SNCG: variants seen among roughly 807,000 people sequenced by gnomAD.
SNCG encodes the protein gamma-synuclein.
In SNCG, 13 loss-of-function variants were observed where a neutral mutation model predicts 16.0. The ratio of observed to expected loss-of-function variants is 0.81; its 90% confidence interval spans 0.53 to 1.29. The LOEUF is 1.29. Ranked by LOEUF, SNCG falls within the 50% of genes most tolerant of loss-of-function variation. SNCG has a pLI of 0.00. For synonymous variants in SNCG, 66 were observed against 66.3 expected, an observed-to-expected ratio of 1.00 and a Z score of 0.02; for missense variants, 154 against 168.5, an observed-to-expected ratio of 0.91 and a Z score of 0.48.
chr10:86,957,606 A>G (rs1180678771), upstream of SNCG: 2 of 1,513,782 alleles, frequency 1.3e-6, no homozygotes, highest in Non-Finnish European at 1.8e-6. Context: ...ACTGCTAGTG[A>G]CGTTGTCTTC....
upstream of SNCG, among the ~76,000 whole-genome samples, chr10:86,957,126 C>CTG (rs1844247245): frequency 6.6e-6 from 1 of 152,242 alleles, no homozygotes; most frequent in Admixed American, 6.5e-5. Flanking sequence ...ATGGTAGGAG[C>CTG]TGTGCCTCCC....
upstream of SNCG, chr10:86,958,497 T>TGCCAACCCACC: frequency 1.8e-6 from 2 of 1,098,156 alleles, no homozygotes; most frequent in Non-Finnish European, 2.3e-6. Context: ...TGAACCTCCT[T>TGCCAACCCACC]CCCTCCCTCC....
upstream of SNCG, chr10:86,957,492 AG>A: frequency 6.2e-7 from 1 of 1,613,128 alleles, no homozygotes; most frequent in Non-Finnish European, 8.5e-7. Context: ...TGCCCCCAGC[AG>A]CCCCCAGCCC....
chr10:86,956,721 G>T (rs931086137), upstream of SNCG, among the ~76,000 whole-genome samples: 3 of 152,338 alleles, frequency 2.0e-5, no homozygotes, highest in South Asian at 6.2e-4. Flanking sequence ...GAGACTGGGG[G>T]CCCCGTAAAC....
At chr10:86,958,131 A>T (rs1471396605), upstream of SNCG, 3 of 984,798 alleles carry the variant, frequency 3.0e-6, no homozygotes, top group African/African-American at 1.8e-5. Context: ...GTCCAGCGGC[A>T]TCCAGGATGC....
chr10:86,962,803 A>G, intron 4 of SNCG, 128 bp downstream of exon 4: 4 of 1,108,644 alleles, frequency 3.6e-6, no homozygotes, highest in Non-Finnish European at 5.2e-6. Flanking sequence ...CACAGCCCCT[A>G]CAGGGACTGT....
At chr10:86,957,718 TGGCTGGCCCCACAG>T, upstream of SNCG, 3 of 1,335,362 alleles carry the variant, frequency 2.2e-6, no homozygotes, top group South Asian at 5.1e-5. Flanking sequence ...CCAACTACCC[TGGCTGGCCCCACAG>T]GGGCCGCCAA....
rs1844279157 is a variant in SNCG, at chr10:86,958,632, A to G, written c.-66A>G. 3 of 1,607,446 alleles carry G rather than the reference A, an allele frequency of 1.9e-6. No homozygotes were observed. Among genetic ancestry groups the G allele is most frequent in the African/African-American group, 2.7e-5 (2 of 74,796 alleles). ...CTGCGGCAGCACTCGAGCCAGCTCA[A>G]GCCCGCAGCTCGCAGGGAGATCCAG... On this transcript the variant is annotated 5_prime_UTR_variant, in exon 1 of 5. Coordinates refer to ENST00000372017, the MANE Select transcript of SNCG (RefSeq NM_003087.3).
At position 86,959,206 on chromosome 10, in the gene SNCG, C is replaced by G. The variant is rs145919939; in HGVS notation, c.121+388C>G. ...GCCAGGTCACGGATCCCCTCCCTCCCCAGAGAGAAGGGGCAGGCTGGGGGA... is the reference window on the plus strand; with the variant it reads ...GCCAGGTCACGGATCCCCTCCCTCCGCAGAGAGAAGGGGCAGGCTGGGGGA... On this transcript the variant is annotated intron_variant, in intron 1 of 4. Transcript: ENST00000372017. This position sits in a 1 kb window ranked among gnomAD's most constrained non-coding sequence, Gnocchi z 4.3. Among the ~76,000 whole-genome samples, 736 of 152,270 alleles carry G rather than the reference C, an allele frequency of 4.8e-3. 10 individuals are homozygous for G. Among genetic ancestry groups the G allele is most frequent in the African/African-American group, 0.017 (708 of 41,556 alleles).
chr10:86,958,861 G>C, intron 1 of SNCG, 43 bp downstream of exon 1: 1 of 1,560,548 alleles, frequency 6.4e-7, no homozygotes, highest in Non-Finnish European at 8.7e-7. Context: ...GTGGCCAAAG[G>C]GTGAGTGCCC....
In SNCG at chr10:86,959,945, G is replaced by A. The variant is rs527352542; in HGVS notation, c.164-56G>A. ...GGAAGGGGCTGCGAGCCTGACTCCAGCAGGCCTGCCTTGGGGCTGGGGCTG... is the reference window on the plus strand; with the variant it reads ...GGAAGGGGCTGCGAGCCTGACTCCAACAGGCCTGCCTTGGGGCTGGGGCTG... On this transcript the variant is annotated intron_variant, in intron 2 of 4. Transcript: ENST00000372017. This position sits in a 1 kb window ranked among gnomAD's most constrained non-coding sequence, Gnocchi z 4.3. The A allele has an allele frequency of 6.4e-7, 1 of 1,553,676 alleles. No homozygotes were observed.
chr10:86,959,691 C>T lies in SNCG; in HGVS notation c.163+17C>T. The T allele has an allele frequency of 6.3e-7, 1 of 1,598,372 alleles. No homozygotes were observed. Among genetic ancestry groups the T allele is most frequent in the Non-Finnish European group, 8.5e-7 (1 of 1,171,528 alleles). On this transcript the variant is annotated intron_variant, in intron 2 of 4. Transcript: ENST00000372017. The surrounding 1 kb of genome is among the most constrained non-coding windows in gnomAD (Gnocchi z 4.3). ...TGACCTCAGGTGAGAAGCCCCAGGGCCAGGGGACACATGGGGGATAGGACC... is the reference window on the plus strand; with the variant it reads ...TGACCTCAGGTGAGAAGCCCCAGGGTCAGGGGACACATGGGGGATAGGACC...
At chr10:86,962,767 G>A in intron 4 of SNCG, 92 bp downstream of exon 4, 4 of 1,188,746 alleles carry the variant, frequency 3.4e-6, no homozygotes, top group Non-Finnish European at 4.8e-6. Flanking sequence ...TGGGCTCCCA[G>A]GGCCCAGAGG....
Position 86,959,914 on chromosome 10 carries a change from C to A in SNCG, c.164-87C>A, listed in dbSNP as rs996345971. 2.6e-6 allele frequency: 4 copies of A among 1,537,336 alleles called. No individual in the cohort carries two copies. In the African/African-American group the frequency reaches 5.5e-5, roughly 21 times the overall value. On this transcript the variant is annotated intron_variant, in intron 2 of 4. Coordinates refer to ENST00000372017, the MANE Select transcript of SNCG (RefSeq NM_003087.3). This position sits in a 1 kb window ranked among gnomAD's most constrained non-coding sequence, Gnocchi z 4.3. ...GTCCCAGCAGGGCCAGGGCTCTGAG[C>A]TCCTGGGAAGGGGCTGCGAGCCTGA...
chr10:86,958,854 G>C (rs1479282296), intron 1 of SNCG, 36 bp downstream of exon 1: 2 of 1,567,494 alleles, frequency 1.3e-6, no homozygotes, highest in East Asian at 4.5e-5. Context: ...CAGTGTGGTG[G>C]CCAAAGGGTG....
chr10:86,957,626 C>T, upstream of SNCG: 1 of 1,479,922 alleles, frequency 6.8e-7, no homozygotes. Context: ...CAAGTTAAAT[C>T]TCAGGAGGAA....
At chr10:86,962,557 T>C (rs1304667648) in intron 3 of SNCG, 47 bp from the exon 4 acceptor site, 3 of 1,430,832 alleles carry the variant, frequency 2.1e-6, no homozygotes, top group Non-Finnish European at 2.9e-6. Context: ...CAGCTAGGGG[T>C]CTCTGCATTC....
At chr10:86,958,376 G>A, upstream of SNCG, 2 of 985,418 alleles carry the variant, frequency 2.0e-6, no homozygotes, top group Non-Finnish European at 2.4e-6. Flanking sequence ...AGGTTGGGAG[G>A]TGGCCAGCCC....
upstream of SNCG, chr10:86,957,249 G>A (rs1340524601): frequency 5.2e-6 from 5 of 952,746 alleles, no homozygotes; most frequent in Non-Finnish European, 8.1e-6. Context: ...CTCACAGATG[G>A]CCCAGAGATA....
Sources: allele counts gnomAD v4.1 joint callset (sites outside exome capture counted in the v4.1 genomes callset), GRCh38; gene constraint gnomAD v4.1.1; non-coding constraint Gnocchi (gnomAD v3.1); transcripts MANE v1.5; gene names NCBI Gene and HGNC (gene_info 2026-07-23, HGNC 2026-07-21).